FGFR1: variants seen among roughly 807,000 people sequenced by gnomAD.
The protein encoded by FGFR1 is FGFR1/PLAG1 fusion.
FGFR1 carries 18 observed loss-of-function variants against 93.7 expected under a neutral mutation model. The observed-to-expected ratio is 0.19, with a 90% CI of 0.13 to 0.28. The LOEUF (loss-of-function observed/expected upper bound fraction) is 0.28. Among genes scored for constraint, FGFR1 ranks in the 10% least tolerant of loss-of-function variants. The probability of loss-of-function intolerance (pLI) is 1.00; values close to 1 mark genes in which losing one functional copy is unlikely to be tolerated. For synonymous variants in FGFR1, 448 were observed against 429.3 expected (o/e 1.04, Z -0.54); for missense variants, 731 against 1,080.4 (o/e 0.68, Z 4.53).
intron 2 of FGFR1, among the ~76,000 whole-genome samples, chr8:38,445,880 C>G (rs1310792945): frequency 1.3e-5 from 2 of 152,080 alleles, no homozygotes; most frequent in African/African-American, 4.8e-5. Context: ...GTTTTGAATG[C>G]CTAACTTCAT....
intron 1 of FGFR1, among the ~76,000 whole-genome samples, chr8:38,462,035 G>A (rs567797818): frequency 6.6e-6 from 1 of 152,258 alleles, no homozygotes; most frequent in East Asian, 1.9e-4. Context: ...CACTTGAAAT[G>A]TGGCTGGTGC....
In FGFR1 at chr8:38,412,443, A is replaced by T; in HGVS notation, c.*1185T>A. On this transcript the variant is annotated 3_prime_UTR_variant, in exon 18 of 18. Coordinates refer to ENST00000447712, the MANE Select transcript of FGFR1 (RefSeq NM_023110.3). ...CCCACCGGTTTCCTTGGAGGAAACC[A>T]TCCATGGTCGATGGCTGCTGGGCCT... is the stretch of plus-strand genomic sequence containing the variant. 4.3e-6 allele frequency: 1 copy of T among 232,972 alleles called. No homozygotes were observed. The highest frequency in any genetic ancestry group is 8.5e-6 in the Non-Finnish European group (1 of 117,848). The allele number at this position is 232,972 out of a possible 1,614,324, so 14.4% of individuals were successfully genotyped here. A position where few individuals can be genotyped will look rare whatever the true frequency, so the allele number is the denominator to read the frequency against.
chr8:38,416,150 C>G (rs1816500448), intron 12 of FGFR1, 90 bp from the exon 13 acceptor site: 1 of 1,117,748 alleles, frequency 8.9e-7, no homozygotes, highest in Admixed American at 2.0e-5. Context: ...AGCAGCACAC[C>G]CCGGCCAACC....
intron 2 of FGFR1, among the ~76,000 whole-genome samples, chr8:38,437,562 G>A (rs1368923875): frequency 6.6e-6 from 1 of 152,174 alleles, no homozygotes; most frequent in Non-Finnish European, 1.5e-5. Flanking sequence ...GGAAAAGAGA[G>A]GATTTAGATG....
At chr8:38,449,226 C>T (rs1011858831) in intron 2 of FGFR1, among the ~76,000 whole-genome samples, 1 of 151,904 alleles carries the variant, frequency 6.6e-6, no homozygotes, top group Non-Finnish European at 1.5e-5. Flanking sequence ...CCAAGCTAAA[C>T]CTTAAACTAA....
At chr8:38,450,071 T>TC (rs1369460379) in intron 2 of FGFR1, among the ~76,000 whole-genome samples, 3 of 152,162 alleles carry the variant, frequency 2.0e-5, no homozygotes, top group Non-Finnish European at 4.4e-5. Flanking sequence ...TGGCCCAGAC[T>TC]CCAGCAGGCT....
Position 38,413,742 on chromosome 8 carries a change from G to A in FGFR1, c.2355C>T (p.Ser785=), listed in dbSNP as rs1200405526. The A allele has an allele frequency of 6.2e-7, 1 of 1,614,194 alleles. No homozygotes were observed. The highest frequency in any genetic ancestry group is 1.7e-5 in the Admixed American group (1 of 60,026). The part of the protein sequence containing the change: ...QYSPSFPDTR[S]STCSSGEDSV... The stretch of plus-strand genomic sequence containing the variant: ...AATCCTCCCCTGAGGAGCACGTAGA[G>A]CTCCGGGTGTCGGGAAAGCTGGGGG... The change falls in exon 18 of 18, where the codon AGC becomes AGT. Residue 785 remains serine, a synonymous_variant. Transcript: ENST00000447712. This position sits in a 1 kb window ranked among gnomAD's most constrained non-coding sequence, Gnocchi z 4.2.
At chr8:38,458,521 A>AGTG (rs2151378787) in intron 1 of FGFR1, among the ~76,000 whole-genome samples, 2 of 152,234 alleles carry the variant, frequency 1.3e-5, no homozygotes, top group African/African-American at 4.8e-5. Flanking sequence ...AGCCTAGGTG[A>AGTG]CAGAGTGAGA....
At chr8:38,450,675 C>A (rs1830771111) in intron 2 of FGFR1, among the ~76,000 whole-genome samples, 1 of 152,194 alleles carries the variant, frequency 6.6e-6, no homozygotes, top group African/African-American at 2.4e-5. Flanking sequence ...GTGATGGAAA[C>A]CCTGACAGAG....
rs756132460 is a variant in FGFR1, at chr8:38,426,219, T to G, written c.648A>C (p.Ile216=). The G allele has an allele frequency of 9.9e-6, 16 of 1,614,024 alleles. No homozygotes were observed. The Admixed American group carries it at 2.7e-4, about 27-fold the overall frequency. The change falls in exon 6 of 18, where the codon ATA becomes ATC. Residue 216 remains isoleucine (I), a synonymous_variant. Coordinates refer to ENST00000447712, the MANE Select transcript of FGFR1 (RefSeq NM_023110.3). The surrounding 1 kb of genome is among the most constrained non-coding windows in gnomAD (Gnocchi z 4.1). ...YKVRYATWSI[I]MDSVVPSDKG... ...TGTCAGAGGGCACCACAGAGTCCATTATGATGCTCCAGGTGGCATAACGGA... is the reference window on the plus strand; with the variant it reads ...TGTCAGAGGGCACCACAGAGTCCATGATGATGCTCCAGGTGGCATAACGGA...
chr8:38,417,348 G>C lies in FGFR1; in HGVS notation c.1621C>G (p.His541Asp), dbSNP rs559692139. The C allele has an allele frequency of 6.2e-7, 1 of 1,613,970 alleles. No individual in the cohort carries two copies. Among genetic ancestry groups the C allele is most frequent in the Non-Finnish European group, 8.5e-7 (1 of 1,180,042 alleles). Reference protein sequence around the residue: ...EMEMMKMIGKHKNIINLLGAC... With the variant: ...EMEMMKMIGKDKNIINLLGAC... Reference sequence around the variant, plus strand: ...CCCAGCAGGTTGATGATATTCTTATGCTTCCCGATCATCTTCATCATCTCC... The same window carrying C: ...CCCAGCAGGTTGATGATATTCTTATCCTTCCCGATCATCTTCATCATCTCC... Residue 541 changes from histidine (H) to aspartate (D), a missense_variant, in exon 12 of 18, where the codon CAT (histidine) becomes GAT (aspartate). His to Asp is a moderately conservative substitution (Grantham distance 81). This residue lies in a region of FGFR1 where 62 missense variants were observed against 99.5 expected (regional missense o/e 0.62). Coordinates refer to ENST00000447712, the MANE Select transcript of FGFR1 (RefSeq NM_023110.3).
At chr8:38,419,049 T>C (rs930442376) in intron 9 of FGFR1, among the ~76,000 whole-genome samples, 8 of 152,260 alleles carry the variant, frequency 5.3e-5, no homozygotes, top group Non-Finnish European at 1.2e-4. Context: ...TGCCGCCATG[T>C]GAGACGTGCC....
intron 2 of FGFR1, among the ~76,000 whole-genome samples, chr8:38,431,746 G>T: frequency 6.6e-6 from 1 of 152,144 alleles, no homozygotes; most frequent in East Asian, 1.9e-4. Context: ...CTTTAAAAGG[G>T]CTCAGAAACC....
chr8:38,419,773 G>A (rs1382772219), intron 8 of FGFR1, 38 bp from the exon 9 acceptor site: 1 of 1,590,618 alleles, frequency 6.3e-7, no homozygotes, highest in Non-Finnish European at 8.6e-7. Flanking sequence ...AGGCTTGGAG[G>A]GCCCCGTCCA....
chr8:38,427,784 T>G (rs1429862059), intron 5 of FGFR1, 137 bp downstream of exon 5: 5 of 900,130 alleles, frequency 5.6e-6, no homozygotes, highest in Admixed American at 2.5e-5. Flanking sequence ...TGCATTTTTT[T>G]GTATTTAAAA....
In FGFR1 at chr8:38,440,190, G is replaced by C. The variant is rs868783581; in HGVS notation, c.92-10242C>G. On this transcript the variant is annotated intron_variant, in intron 2 of 17. Coordinates refer to ENST00000447712, the MANE Select transcript of FGFR1 (RefSeq NM_023110.3). ...AATTGTGGGTGGGGGAGGAACTCGG[G>C]GTGGCTTTGAAAGCAACTTAAAAGG... 1.4e-5 allele frequency: 12 copies of C among 855,786 alleles called. 1 individual carries two copies. The Middle Eastern group carries it at 2.6e-3, about 185-fold the overall frequency. 53.0% of individuals were successfully genotyped at this position (855,786 alleles called of 1,614,324 possible). A position where few individuals can be genotyped will look rare whatever the true frequency, so the allele number is the denominator to read the frequency against.
intron 8 of FGFR1, 38 bp from the exon 9 acceptor site, chr8:38,419,773 G>T: frequency 1.3e-6 from 2 of 1,590,618 alleles, no homozygotes; most frequent in Non-Finnish European, 1.7e-6. Flanking sequence ...AGGCTTGGAG[G>T]GCCCCGTCCA....
chr8:38,416,209 C>A lies in FGFR1; in HGVS notation c.1664-149G>T, dbSNP rs1442682653. ...GGGACCTGGGAAATCCATTCTACTACCCAAAAAAAATCAGAGAAATAATTA... is the reference window on the plus strand; with the variant it reads ...GGGACCTGGGAAATCCATTCTACTAACCAAAAAAAATCAGAGAAATAATTA... On this transcript the variant is annotated intron_variant, in intron 12 of 17. Transcript: ENST00000447712. 3 of 692,882 alleles carry A rather than the reference C, an allele frequency of 4.3e-6. No individual in the cohort carries two copies. The African/African-American group carries it at 5.4e-5, about 12-fold the overall frequency. The allele number at this position is 692,882 out of a possible 1,614,324, so 42.9% of individuals were successfully genotyped here.
In FGFR1 at chr8:38,411,519, A is replaced by G. The variant is rs1215752953; in HGVS notation, c.*2109T>C. ...CAGAGAGAAACAAAGAGAATTTTACAATAGTCGCCAACACTGCAGCTGCCA... is the reference window on the plus strand; with the variant it reads ...CAGAGAGAAACAAAGAGAATTTTACGATAGTCGCCAACACTGCAGCTGCCA... On this transcript the variant is annotated 3_prime_UTR_variant, in exon 18 of 18. Coordinates refer to ENST00000447712, the MANE Select transcript of FGFR1 (RefSeq NM_023110.3). 1 of 228,894 alleles carries G rather than the reference A, an allele frequency of 4.4e-6. No homozygotes were observed. The highest frequency in any genetic ancestry group is 2.2e-5 in the African/African-American group (1 of 45,156). The allele number at this position is 228,894 out of a possible 1,614,324, so 14.2% of individuals were successfully genotyped here.
Sources: allele counts gnomAD v4.1 joint callset (sites outside exome capture counted in the v4.1 genomes callset), GRCh38; gene constraint gnomAD v4.1.1; regional missense constraint gnomAD v4.1.1; non-coding constraint Gnocchi (gnomAD v3.1); transcripts MANE v1.5; gene names NCBI Gene and HGNC (gene_info 2026-07-23, HGNC 2026-07-21).